The following DZIP1 variants were observed in gnomAD, a reference collection of about 807,000 sequenced individuals.
DZIP1 encodes cilium assembly protein DZIP1.
A neutral mutation model predicts 107.6 loss-of-function variants in DZIP1; 97 were observed. The observed-to-expected ratio is 0.90, with a 90% CI of 0.77 to 1.07. The LOEUF is 1.07. DZIP1 is among the 50% of genes least tolerant of loss of function. The pLI, the probability that DZIP1 is intolerant of heterozygous loss-of-function variation, is 0.00. For missense variants in DZIP1, 1,035 were observed against 1,063.6 expected (o/e 0.97, Z 0.37); for synonymous variants, 390 against 386.4 (o/e 1.01, Z -0.11).
intron 14 of DZIP1, 83 bp downstream of exon 14, chr13:95,605,920 C>T: frequency 7.4e-7 from 1 of 1,359,692 alleles, no homozygotes; most frequent in South Asian, 1.2e-5. Flanking sequence ...TAATTACCTC[C>T]ACATAATCAC....
intron 21 of DZIP1, 91 bp downstream of exon 21, chr13:95,585,911 ACTAT>A (rs2044146946): frequency 1.6e-6 from 2 of 1,271,408 alleles, no homozygotes; most frequent in Admixed American, 5.4e-5. Context: ...CTACCAGCTA[ACTAT>A]CTGTTTTATA....
rs147936003 is a variant in DZIP1, at chr13:95,617,014, C to T, written c.1173+2871G>A. 4.7e-3 allele frequency among the ~76,000 whole-genome samples: 716 copies of T among 152,118 alleles called. 3 individuals carry two copies. The Middle Eastern group carries it at 0.048, about 10-fold the overall frequency. On this transcript the variant is annotated intron_variant, in intron 10 of 22. Transcript: ENST00000376829. ...CCTGAGGTCAGGAGTTCAAGACCAG[C>T]CAGGCCAACACAGTGAAACCCCATC...
chr13:95,630,863 T>A (rs1346984569), intron 6 of DZIP1: 1 of 618,048 alleles, frequency 1.6e-6, no homozygotes, highest in Non-Finnish European at 2.6e-6. Flanking sequence ...CTGAAACGAG[T>A]ATGAGTTAGA....
chr13:95,631,094 A>C (rs963480763), intron 6 of DZIP1, among the ~76,000 whole-genome samples: 3 of 152,186 alleles, frequency 2.0e-5, no homozygotes, highest in African/African-American at 7.2e-5. Flanking sequence ...ACCTGGCCCA[A>C]ACTGGAGGGA....
At chr13:95,602,888 A>G (rs191189019) in intron 14 of DZIP1, among the ~76,000 whole-genome samples, 2 of 152,366 alleles carry the variant, frequency 1.3e-5, no homozygotes, top group African/African-American at 4.8e-5. Flanking sequence ...ATCAAGAGAC[A>G]CAATACACCA....
intron 22 of DZIP1, chr13:95,584,475 C>T (rs2044098329): frequency 1.6e-6 from 1 of 630,588 alleles, no homozygotes; most frequent in East Asian, 1.0e-4. Flanking sequence ...AACACCGTTT[C>T]AAAAACAAAA....
At chr13:95,597,241 T>C (rs2044481273) in intron 15 of DZIP1, among the ~76,000 whole-genome samples, 1 of 152,198 alleles carries the variant, frequency 6.6e-6, no homozygotes, top group Admixed American at 6.5e-5. Context: ...ATGATTCCTA[T>C]AGGAACCCTC....
intron 22 of DZIP1, among the ~76,000 whole-genome samples, chr13:95,583,543 A>C (rs1407070625): frequency 1.3e-5 from 2 of 152,102 alleles, no homozygotes; most frequent in East Asian, 1.9e-4. Flanking sequence ...AAAAAATTAC[A>C]ATTTTCTAAT....
At chr13:95,584,964 C>T in intron 21 of DZIP1, 54 bp from the exon 22 acceptor site, 1 of 1,491,712 alleles carries the variant, frequency 6.7e-7, no homozygotes, top group Non-Finnish European at 9.2e-7. Context: ...AATGGTGTCC[C>T]TCAATCATTT....
At position 95,584,901 on chromosome 13, in the gene DZIP1, C is replaced by T; in HGVS notation, c.2359G>A (p.Val787Met). 6.2e-7 allele frequency: 1 copy of T among 1,609,970 alleles called. No homozygotes were observed. Among genetic ancestry groups the T allele is most frequent in the Non-Finnish European group, 8.5e-7 (1 of 1,178,734 alleles). The change falls in exon 22 of 23, where the codon GTG (valine) becomes ATG (methionine). Residue 787 changes from valine (V) to methionine (M), a missense_variant. Coordinates refer to ENST00000376829, the MANE Select transcript of DZIP1 (RefSeq NM_198968.4). The part of the protein sequence containing the change: ...EELQELKCAD[V>M]EDEDWDISSL... The stretch of plus-strand genomic sequence containing the variant: ...GATATGTCCCAGTCTTCATCCTCCA[C>T]ATCCGCACACTAAAAGAAAGGCATG...
At chr13:95,626,778 T>A (rs1027768697) in intron 7 of DZIP1, among the ~76,000 whole-genome samples, 8 of 152,186 alleles carry the variant, frequency 5.3e-5, no homozygotes, top group African/African-American at 1.9e-4. Flanking sequence ...TATAATAGCA[T>A]CCCAAAGAAT....
At chr13:95,631,495 A>C (rs1877193278) in intron 6 of DZIP1, among the ~76,000 whole-genome samples, 1 of 151,956 alleles carries the variant, frequency 6.6e-6, no homozygotes, top group Non-Finnish European at 1.5e-5. Flanking sequence ...CGATAAAAAT[A>C]AGAATTTCTG....
intron 5 of DZIP1, among the ~76,000 whole-genome samples, chr13:95,640,228 G>A (rs1878337184): frequency 6.6e-6 from 1 of 152,020 alleles, no homozygotes; most frequent in Admixed American, 6.6e-5. Flanking sequence ...TCAATCTCCT[G>A]ACCTCGTGAT....
At chr13:95,594,189 G>A in intron 15 of DZIP1, 103 bp from the exon 16 acceptor site, 1 of 929,642 alleles carries the variant, frequency 1.1e-6, no homozygotes, top group South Asian at 1.8e-5. Context: ...CAGCAAGTAA[G>A]TATTTGTGAT....
At chr13:95,624,688 G>T in intron 8 of DZIP1, 80 bp downstream of exon 8, 1 of 1,262,212 alleles carries the variant, frequency 7.9e-7, no homozygotes, top group Non-Finnish European at 1.1e-6. Context: ...GTAACTGCTG[G>T]ATCCCCTGGC....
At position 95,641,321 on chromosome 13, in the gene DZIP1, T is replaced by C; in HGVS notation, c.571A>G (p.Ile191Val). The C allele has an allele frequency of 6.2e-7, 1 of 1,600,074 alleles. No homozygotes were observed. The highest frequency in any genetic ancestry group is 8.6e-7 in the Non-Finnish European group (1 of 1,169,474). Residue 191 changes from isoleucine to valine, a missense_variant, in exon 5 of 23, where the codon ATC becomes GTC. By Grantham distance (29) the Ile-to-Val change is conservative (BLOSUM62 3). Coordinates refer to ENST00000376829, the MANE Select transcript of DZIP1 (RefSeq NM_198968.4). This position sits in a 1 kb window ranked among gnomAD's most constrained non-coding sequence, Gnocchi z 4.3. Reference protein sequence around the residue: ...KKMISTQQLMIEAKANYYQCH... With the variant: ...KKMISTQQLMVEAKANYYQCH... ...TGGTAATAGTTGGCTTTGGCCTCGA[T>C]CATCAGCTGCTGGGTGGAGATCATC...
chr13:95,601,959 T>C (rs1838104878), intron 14 of DZIP1, among the ~76,000 whole-genome samples: 1 of 152,030 alleles, frequency 6.6e-6, no homozygotes, highest in Non-Finnish European at 1.5e-5. Flanking sequence ...ATCTCAAGTG[T>C]AGGATCACCC....
At chr13:95,624,705 G>A in intron 8 of DZIP1, 63 bp downstream of exon 8, 1 of 1,444,892 alleles carries the variant, frequency 6.9e-7, no homozygotes, top group Non-Finnish European at 9.5e-7. Context: ...TGGCCTTAAT[G>A]CCATCCTAAC....
chr13:95,602,696 C>T (rs2044651736), intron 14 of DZIP1, among the ~76,000 whole-genome samples: 1 of 152,246 alleles, frequency 6.6e-6, no homozygotes, highest in South Asian at 2.1e-4. Flanking sequence ...ATCCTGTTGG[C>T]ACATCCAAAC....
Sources: allele counts gnomAD v4.1 joint callset (sites outside exome capture counted in the v4.1 genomes callset), GRCh38; gene constraint gnomAD v4.1.1; non-coding constraint Gnocchi (gnomAD v3.1); transcripts MANE v1.5; gene names NCBI Gene and HGNC (gene_info 2026-07-23, HGNC 2026-07-21).